SZRD1: variants seen among roughly 807,000 people sequenced by gnomAD.
The protein encoded by SZRD1 is SUZ RNA-binding domain-containing.
Under a neutral mutation model 17.6 loss-of-function variants are expected in SZRD1, and 7 were observed. The ratio of observed to expected loss-of-function variants is 0.40; its 90% CI spans 0.23 to 0.75. The LOEUF is 0.75. Among genes scored for constraint, SZRD1 ranks in the 30% least tolerant of loss-of-function variants. The pLI is 0.38. For synonymous variants in SZRD1, 77 were observed against 77.9 expected (o/e 0.99, Z 0.06); for missense variants, 178 against 201.8 (o/e 0.88, Z 0.71).
chr1:16,387,549 A>G (rs558639060), intron 1 of SZRD1: 3 of 456,728 alleles, frequency 6.6e-6, no homozygotes, highest in African/African-American at 2.0e-5. Flanking sequence ...AGGCAGGGCA[A>G]GTGCTCTTTG....
At chr1:16,368,813 A>G (rs1005396497) in intron 1 of SZRD1, among the ~76,000 whole-genome samples, 2 of 152,214 alleles carry the variant, frequency 1.3e-5, no homozygotes, top group African/African-American at 4.8e-5. Context: ...CAACTTTAAT[A>G]TCATGCAAAT....
At chr1:16,383,707 C>T (rs1286687328) in intron 1 of SZRD1, among the ~76,000 whole-genome samples, 2 of 149,638 alleles carry the variant, frequency 1.3e-5, no homozygotes, top group African/African-American at 2.5e-5. Context: ...GCAACCTCTG[C>T]CTCCTGGGTT....
intron 1 of SZRD1, among the ~76,000 whole-genome samples, chr1:16,378,210 A>T (rs2083035045): frequency 6.6e-6 from 1 of 151,322 alleles, no homozygotes; most frequent in Non-Finnish European, 1.5e-5. Flanking sequence ...AAAGTTTTTG[A>T]GGCTTTCTAG....
chr1:16,382,704 A>G (rs951493761), intron 1 of SZRD1, among the ~76,000 whole-genome samples: 3 of 151,880 alleles, frequency 2.0e-5, no homozygotes, highest in African/African-American at 7.3e-5. Flanking sequence ...CATGTTGGCT[A>G]TGCTGGTCTT....
chr1:16,395,255 T>TA lies in SZRD1; in HGVS notation c.*116dup. ...CTTGAGCAGAGGGAACGACCTGACTTACTTGCACTGTGATCCCCCTTGCTC... is the reference window on the plus strand; with the variant it reads ...CTTGAGCAGAGGGAACGACCTGACTTAACTTGCACTGTGATCCCCCTTGCTC... On this transcript the variant is annotated 3_prime_UTR_variant, in exon 4 of 4. Coordinates refer to ENST00000401088, the MANE Select transcript of SZRD1 (RefSeq NM_001114600.3). The TA allele has an allele frequency of 1.3e-6, 1 of 761,060 alleles. No homozygotes were observed. Among genetic ancestry groups the TA allele is most frequent in the Non-Finnish European group, 2.4e-6 (1 of 422,852 alleles). 47.1% of individuals were successfully genotyped at this position (761,060 alleles called of 1,614,324 possible).
Position 16,393,797 on chromosome 1 carries a change from CT to C in SZRD1, c.356+317del, listed in dbSNP as rs2085257231. On this transcript the variant is annotated intron_variant, in intron 3 of 3. Transcript: ENST00000401088. The surrounding 1 kb of genome is among the most constrained non-coding windows in gnomAD (Gnocchi z 5.6). ...TTGTGTCAAAATCTGCCTCTTACCT[CT>C]TCTTTAGAACGACTTGACCTCTCTG... 6.6e-6 allele frequency among the ~76,000 whole-genome samples: 1 copy of C among 152,192 alleles called. No homozygotes were observed. Among genetic ancestry groups the C allele is most frequent in the Admixed American group, 6.5e-5 (1 of 15,276 alleles).
Position 16,391,032 on chromosome 1 carries a change from A to T in SZRD1, c.52-343A>T, listed in dbSNP as rs1410535361. Among the ~76,000 whole-genome samples the T allele has an allele frequency of 6.6e-6, 1 of 152,204 alleles. No homozygotes were observed. The highest frequency in any genetic ancestry group is 2.4e-5 in the African/African-American group (1 of 41,454). ...AATTTTTTTTCCAACTCTTTATTTCATAAAATAGAGTAAGTGTTCCTAAGT... is the reference window on the plus strand; with the variant it reads ...AATTTTTTTTCCAACTCTTTATTTCTTAAAATAGAGTAAGTGTTCCTAAGT... On this transcript the variant is annotated intron_variant, in intron 1 of 3. Coordinates refer to ENST00000401088, the MANE Select transcript of SZRD1 (RefSeq NM_001114600.3). This position sits in a 1 kb window ranked among gnomAD's most constrained non-coding sequence, Gnocchi z 4.3.
At chr1:16,389,002 G>A (rs1047814007) in intron 1 of SZRD1, among the ~76,000 whole-genome samples, 3 of 150,060 alleles carry the variant, frequency 2.0e-5, no homozygotes, top group African/African-American at 7.3e-5. Flanking sequence ...GAGTCAGTAA[G>A]AATTTACAAG....
chr1:16,381,788 C>T (rs1173340033), intron 1 of SZRD1, among the ~76,000 whole-genome samples: 4 of 151,364 alleles, frequency 2.6e-5, no homozygotes, highest in Admixed American at 6.6e-5. Context: ...AAAAATTAGC[C>T]GGGTGTGGTG....
chr1:16,381,096 A>C (rs1368664168), intron 1 of SZRD1, among the ~76,000 whole-genome samples: 5 of 151,416 alleles, frequency 3.3e-5, no homozygotes, highest in Non-Finnish European at 7.4e-5. Context: ...AAAAAAAAAA[A>C]AAAAAAAACT....
Position 16,398,128 on chromosome 1 carries a change from C to T in SZRD1, c.*2988C>T, listed in dbSNP as rs1229435584. The T allele has an allele frequency of 1.5e-5, 8 of 527,246 alleles. No homozygotes were observed. Among genetic ancestry groups the T allele is most frequent in the Non-Finnish European group, 1.9e-5 (8 of 411,204 alleles). 32.7% of individuals were successfully genotyped at this position (527,246 alleles called of 1,614,324 possible). ...CATTTTATAAATTGTATTTTAAATA[C>T]ATGTTTTAAACTTGTCAGATCTTTG... is the stretch of plus-strand genomic sequence containing the variant. On this transcript the variant is annotated 3_prime_UTR_variant, in exon 4 of 4. Transcript: ENST00000401088.
chr1:16,372,843 C>T (rs1010527944), intron 1 of SZRD1, among the ~76,000 whole-genome samples: 20 of 152,110 alleles, frequency 1.3e-4, no homozygotes, highest in African/African-American at 4.8e-4. Flanking sequence ...GGCATGGAGG[C>T]CCTGTTTAGT....
At chr1:16,369,607 G>A in intron 1 of SZRD1, 7 of 603,444 alleles carry the variant, frequency 1.2e-5, no homozygotes, top group Non-Finnish European at 1.8e-5. Context: ...AATGTACCGC[G>A]GCCAGGTGCT....
intron 1 of SZRD1, among the ~76,000 whole-genome samples, chr1:16,374,939 G>T (rs1477447380): frequency 2.0e-5 from 3 of 152,188 alleles, no homozygotes; most frequent in East Asian, 1.9e-4. Flanking sequence ...GTGCAGTGGC[G>T]CAATCTCAGC....
intron 1 of SZRD1, 31 bp downstream of exon 1, chr1:16,367,339 C>G (rs903326191): frequency 1.0e-5 from 16 of 1,542,226 alleles, no homozygotes; most frequent in African/African-American, 1.4e-5. Context: ...CATGGCAGGG[C>G]CGGGCGAGAC....
chr1:16,375,263 A>G (rs1264622481), intron 1 of SZRD1, among the ~76,000 whole-genome samples: 2 of 152,140 alleles, frequency 1.3e-5, no homozygotes, highest in Non-Finnish European at 2.9e-5. Flanking sequence ...AGGTAAAACC[A>G]TGCCCCACAG....
intron 1 of SZRD1, among the ~76,000 whole-genome samples, chr1:16,375,091 C>T (rs768317251): frequency 1.3e-5 from 2 of 152,050 alleles, no homozygotes; most frequent in Non-Finnish European, 2.9e-5. Context: ...TTGGCTAGGC[C>T]GGTCTCAAAC....
At chr1:16,370,823 G>T (rs2082902371) in intron 1 of SZRD1, among the ~76,000 whole-genome samples, 2 of 152,160 alleles carry the variant, frequency 1.3e-5, no homozygotes, top group South Asian at 4.1e-4. Context: ...TTAATAGTTT[G>T]TCTGGGCTTA....
Position 16,375,119 on chromosome 1 carries a change from G to A in SZRD1, c.51+7811G>A, listed in dbSNP as rs184251925. ...TCTCAAACTCGTGACCTCGTGATCC[G>A]CCCGCCTCGGCCTCCCAAAATGCTG... On this transcript the variant is annotated intron_variant, in intron 1 of 3. Coordinates refer to ENST00000401088, the MANE Select transcript of SZRD1 (RefSeq NM_001114600.3). Among the ~76,000 whole-genome samples the A allele has an allele frequency of 7.6e-3, 1,154 of 152,106 alleles. 15 individuals carry two copies. Among genetic ancestry groups the A allele is most frequent in the African/African-American group, 0.027 (1,111 of 41,486 alleles).
Sources: allele counts gnomAD v4.1 joint callset (sites outside exome capture counted in the v4.1 genomes callset), GRCh38; gene constraint gnomAD v4.1.1; non-coding constraint Gnocchi (gnomAD v3.1); transcripts MANE v1.5; gene names NCBI Gene and HGNC (gene_info 2026-07-23, HGNC 2026-07-21).